HEMK2: variants seen among roughly 807,000 people sequenced by gnomAD.
The protein encoded by HEMK2 is HemK methyltransferase 2, ETF1 glutamine and histone H4 lysine, also known as methyltransferase HEMK2.
At chr21:28,791,397 T>C in the HEMK2 span, among the ~76,000 whole-genome samples, 169 of 152,136 alleles carry the variant, frequency 1.1e-3, no homozygotes, top group African/African-American at 3.9e-3. Context: ...GGATAAAGAA[T>C]CTTTCACCTT....
chr21:28,663,767 T>C, the HEMK2 span, among the ~76,000 whole-genome samples: 1 of 152,208 alleles, frequency 6.6e-6, no homozygotes, highest in African/African-American at 2.4e-5. Context: ...CTCACTTCAA[T>C]GTGGAGTTAA....
At chr21:28,714,761 A>C in the HEMK2 span, among the ~76,000 whole-genome samples, 1 of 152,170 alleles carries the variant, frequency 6.6e-6, no homozygotes, top group African/African-American at 2.4e-5. Context: ...TAGGGAGCAT[A>C]GTACTCAATA....
chr21:28,761,358 T>C, the HEMK2 span, among the ~76,000 whole-genome samples: 3 of 152,106 alleles, frequency 2.0e-5, no homozygotes, highest in African/African-American at 7.2e-5. Flanking sequence ...TGTTTAAAAG[T>C]AAAGCCAAAA....
At chr21:28,869,205 A>G in the HEMK2 span, among the ~76,000 whole-genome samples, 9 of 152,204 alleles carry the variant, frequency 5.9e-5, no homozygotes, top group Non-Finnish European at 1.3e-4. Flanking sequence ...GTATATCCAC[A>G]TCTGTTGAGG....
At chr21:28,851,080 G>A in the HEMK2 span, among the ~76,000 whole-genome samples, 9 of 152,146 alleles carry the variant, frequency 5.9e-5, no homozygotes, top group African/African-American at 1.7e-4. Context: ...AGTTCAGGTC[G>A]CATGGTGACT....
the HEMK2 span, among the ~76,000 whole-genome samples, chr21:28,634,746 G>A: frequency 3.3e-5 from 5 of 152,160 alleles, no homozygotes; most frequent in East Asian, 9.7e-4. Flanking sequence ...ATAAAATGGG[G>A]TAATACAAGT....
the HEMK2 span, among the ~76,000 whole-genome samples, chr21:28,676,935 A>C: frequency 1.7e-4 from 26 of 152,240 alleles, no homozygotes; most frequent in Admixed American, 1.7e-3. Context: ...AGATGGCCGA[A>C]TAGGAACAGC....
At chr21:28,841,307 T>TTATATATTATATATATTATATATA in the HEMK2 span, among the ~76,000 whole-genome samples, 1 of 9,536 alleles carries the variant, frequency 1.0e-4, no homozygotes, top group Non-Finnish European at 1.4e-4. Context: ...ATATTATATA[T>TTATATATTATATATATTATATATA]AATATATAAT....
chr21:28,811,775 A>G, the HEMK2 span, among the ~76,000 whole-genome samples: 2 of 152,232 alleles, frequency 1.3e-5, no homozygotes, highest in Non-Finnish European at 2.9e-5. Flanking sequence ...GATGCCAATT[A>G]TATAGCAGGA....
At chr21:28,715,291 G>T in the HEMK2 span, among the ~76,000 whole-genome samples, 4 of 152,094 alleles carry the variant, frequency 2.6e-5, no homozygotes, top group East Asian at 7.7e-4. Context: ...CCGCAGCCTT[G>T]CAAGCATCTG....
the HEMK2 span, among the ~76,000 whole-genome samples, chr21:28,649,711 A>T: frequency 6.6e-6 from 1 of 152,140 alleles, no homozygotes; most frequent in African/African-American, 2.4e-5. Flanking sequence ...CTACAAAGGG[A>T]AGGAACTTGC....
chr21:28,832,221 T>C, the HEMK2 span, among the ~76,000 whole-genome samples: 4 of 152,180 alleles, frequency 2.6e-5, no homozygotes, highest in Non-Finnish European at 4.4e-5. Flanking sequence ...AGATCTCACA[T>C]TGTAGGGCAA....
the HEMK2 span, among the ~76,000 whole-genome samples, chr21:28,638,063 G>A: frequency 6.6e-6 from 1 of 152,182 alleles, no homozygotes; most frequent in Non-Finnish European, 1.5e-5. Flanking sequence ...CTTGGGGTAT[G>A]CATTTATTCA....
chr21:28,685,828 G>A, the HEMK2 span, among the ~76,000 whole-genome samples: 1 of 152,130 alleles, frequency 6.6e-6, no homozygotes, highest in Non-Finnish European at 1.5e-5. Context: ...AAAAAAAACA[G>A]AAACAGGGAA....
At chr21:28,578,966 A>T in the HEMK2 span, among the ~76,000 whole-genome samples, 5 of 152,328 alleles carry the variant, frequency 3.3e-5, no homozygotes, top group African/African-American at 1.2e-4. Context: ...TGTCAGGAAA[A>T]TTGTCTAAGA....
chr21:28,775,877 T>A, the HEMK2 span, among the ~76,000 whole-genome samples: 2 of 151,626 alleles, frequency 1.3e-5, no homozygotes, highest in African/African-American at 4.9e-5. Context: ...GAGAGCAAAG[T>A]GAAGTAAATG....
the HEMK2 span, among the ~76,000 whole-genome samples, chr21:28,831,700 A>T: frequency 1.1e-4 from 12 of 110,618 alleles, no homozygotes; most frequent in African/African-American, 4.7e-4. Flanking sequence ...GGAAGGAAGG[A>T]AGGAAGGAAG....
At chr21:28,638,099 G>A in the HEMK2 span, among the ~76,000 whole-genome samples, 94 of 152,286 alleles carry the variant, frequency 6.2e-4, no homozygotes, top group Non-Finnish European at 1.1e-3. Flanking sequence ...GCTAAGCAGA[G>A]GGAACACAAC....
At chr21:28,696,434 C>T in the HEMK2 span, among the ~76,000 whole-genome samples, 1 of 152,214 alleles carries the variant, frequency 6.6e-6, no homozygotes, top group Admixed American at 6.5e-5. Flanking sequence ...CTCCATGTCT[C>T]GCATCCAGGT....
Sources: allele counts gnomAD v4.1 joint callset (sites outside exome capture counted in the v4.1 genomes callset), GRCh38; gene constraint gnomAD v4.1.1; transcripts MANE v1.5; gene names NCBI Gene and HGNC (gene_info 2026-07-23, HGNC 2026-07-21).